Variants in MAD1L1 observed in about 807,000 individuals in gnomAD.
The protein encoded by MAD1L1 is mitotic arrest deficient 1 like 1, also known as mitotic spindle assembly checkpoint protein MAD1.
MAD1L1 carries 95 observed loss-of-function variants against 96.9 expected under a neutral mutation model. The ratio of observed to expected loss-of-function variants is 0.98; its 90% confidence interval spans 0.83 to 1.16. The LOEUF is 1.16. Ranked by LOEUF, MAD1L1 falls within the 50% of genes most tolerant of loss-of-function variation. The pLI, the probability that MAD1L1 is intolerant of heterozygous loss-of-function variation, is 0.00. For synonymous variants in MAD1L1, 473 were observed against 396.6 expected (o/e 1.19, Z -2.29); for missense variants, 1,007 against 954.4 (o/e 1.06, Z -0.73).
At chr7:2,071,476 C>T (rs1420524164) in intron 11 of MAD1L1, among the ~76,000 whole-genome samples, 2 of 152,258 alleles carry the variant, frequency 1.3e-5, no homozygotes, top group South Asian at 2.1e-4. Flanking sequence ...TACCAGAACA[C>T]AGCTCCTAAA....
chr7:1,938,901 G>GCACACA lies in MAD1L1; in HGVS notation c.1597-2005_1597-2004insTGTGTG, dbSNP rs1491147111. 6.5e-4 allele frequency among the ~76,000 whole-genome samples: 40 copies of GCACACA among 61,322 alleles called. 1 individual carries two copies. Among genetic ancestry groups the GCACACA allele is most frequent in the African/African-American group, 1.1e-3 (11 of 10,328 alleles). 40.2% of individuals were successfully genotyped at this position (61,322 alleles called of 152,430 possible). On this transcript the variant is annotated intron_variant, in intron 16 of 18. Coordinates refer to ENST00000265854, the MANE Select transcript of MAD1L1 (RefSeq NM_001013836.2). ...ACAGTCCAGGGCCGGGGCCAGAGGC[G>GCACACA]CGCACACACACACACACACACACAC...
intron 10 of MAD1L1, among the ~76,000 whole-genome samples, chr7:2,162,602 AC>A (rs200874142): frequency 0.05 from 7,543 of 150,350 alleles, 550 homozygotes; most frequent in African/African-American, 0.16. Flanking sequence ...AAAAAAAAAA[AC>A]AAACAAAAAA....
At chr7:2,144,944 T>C (rs745955173) in intron 11 of MAD1L1, among the ~76,000 whole-genome samples, 1 of 152,098 alleles carries the variant, frequency 6.6e-6, no homozygotes, top group Non-Finnish European at 1.5e-5. Context: ...CAGTGACCAA[T>C]GACGCCCCAT....
intron 11 of MAD1L1, among the ~76,000 whole-genome samples, chr7:2,125,548 AGG>A (rs1788192943): frequency 6.6e-6 from 1 of 152,190 alleles, no homozygotes; most frequent in East Asian, 1.9e-4. Context: ...CAGGTGAGCG[AGG>A]GCCTGCTGTG....
At chr7:2,129,014 G>C (rs1202921695) in intron 11 of MAD1L1, among the ~76,000 whole-genome samples, 2 of 152,234 alleles carry the variant, frequency 1.3e-5, no homozygotes, top group Admixed American at 1.3e-4. Flanking sequence ...TGCTGGCGCT[G>C]ACCAACTGGG....
At chr7:2,196,580 C>T (rs546464358) in intron 10 of MAD1L1, among the ~76,000 whole-genome samples, 1 of 152,258 alleles carries the variant, frequency 6.6e-6, no homozygotes, top group African/African-American at 2.4e-5. Flanking sequence ...CCAGAGCCAG[C>T]CCAAAGCCTG....
chr7:1,878,330 C>T (rs987048673), intron 18 of MAD1L1, among the ~76,000 whole-genome samples: 4 of 152,032 alleles, frequency 2.6e-5, no homozygotes, highest in Non-Finnish European at 5.9e-5. Flanking sequence ...TAGCATCATC[C>T]TGATACCAAG....
intron 10 of MAD1L1, among the ~76,000 whole-genome samples, chr7:2,198,158 G>A (rs137985774): frequency 6.6e-6 from 1 of 151,330 alleles, no homozygotes; most frequent in East Asian, 1.9e-4. Flanking sequence ...GTCTCACAGT[G>A]TTGCCCAGGC....
At chr7:2,024,612 A>G (rs978297052) in intron 12 of MAD1L1, among the ~76,000 whole-genome samples, 2 of 152,206 alleles carry the variant, frequency 1.3e-5, no homozygotes, top group African/African-American at 2.4e-5. Flanking sequence ...TCTGTAGGCA[A>G]GTTCCCCTAA....
intron 17 of MAD1L1, among the ~76,000 whole-genome samples, chr7:1,911,670 C>CAG (rs1303088893): frequency 6.6e-6 from 1 of 152,194 alleles, no homozygotes; most frequent in East Asian, 1.9e-4. Context: ...CAACCCTCTC[C>CAG]AGTCCGGCGT....
rs1360545304 is a variant in MAD1L1 at position 1,816,104 on chromosome 7, G to A, written c.2123C>T (p.Thr708Ile). 3 of 1,612,476 alleles carry A rather than the reference G, an allele frequency of 1.9e-6. No homozygotes were observed. The highest frequency in any genetic ancestry group is 1.7e-5 in the Admixed American group (1 of 60,008). ...GGTCTGGCGGCTGAAGAGCTCGAGG[G>A]TGAGCGAGCTGAGGAAGGCAGGGAT... ...DSIPAFLSSL[T>I]LELFSRQTVA Residue 708 changes from threonine (T) to isoleucine (I), a missense_variant, in exon 19 of 19, where the codon ACC becomes ATC. Coordinates refer to ENST00000265854, the MANE Select transcript of MAD1L1 (RefSeq NM_001013836.2).
At chr7:2,011,188 C>A (rs1242077129) in intron 13 of MAD1L1, among the ~76,000 whole-genome samples, 1 of 151,982 alleles carries the variant, frequency 6.6e-6, no homozygotes, top group East Asian at 1.9e-4. Context: ...AAACCAACAG[C>A]CAGAGACACG....
chr7:1,826,039 G>A (rs1028130599), intron 18 of MAD1L1, among the ~76,000 whole-genome samples: 7 of 152,154 alleles, frequency 4.6e-5, no homozygotes, highest in Non-Finnish European at 8.8e-5. Flanking sequence ...AAGTTCAGGC[G>A]TGATAACGTC....
chr7:2,107,016 G>A (rs774802962), intron 11 of MAD1L1, among the ~76,000 whole-genome samples: 5 of 152,338 alleles, frequency 3.3e-5, no homozygotes, highest in Admixed American at 6.5e-5. Flanking sequence ...CACAGGGCCC[G>A]GCCCCACAGC....
At chr7:2,137,393 C>T (rs985456047) in intron 11 of MAD1L1, among the ~76,000 whole-genome samples, 1 of 152,212 alleles carries the variant, frequency 6.6e-6, no homozygotes, top group Non-Finnish European at 1.5e-5. Context: ...ACTCCAGATG[C>T]CGTTTTCTGA....
At chr7:2,093,430 A>G (rs1055178283) in intron 11 of MAD1L1, among the ~76,000 whole-genome samples, 1 of 152,148 alleles carries the variant, frequency 6.6e-6, no homozygotes, top group Non-Finnish European at 1.5e-5. Flanking sequence ...GTATATAAAA[A>G]TGCCAGGAAG....
At chr7:2,055,669 C>CAAAA (rs35707803) in intron 12 of MAD1L1, among the ~76,000 whole-genome samples, 3 of 90,526 alleles carry the variant, frequency 3.3e-5, no homozygotes, top group Non-Finnish European at 6.9e-5. Context: ...GACCCTGTCT[C>CAAAA]AAAAAAAAAA....
intron 18 of MAD1L1, among the ~76,000 whole-genome samples, chr7:1,850,973 G>A (rs890427090): frequency 2.0e-5 from 3 of 152,214 alleles, no homozygotes; most frequent in African/African-American, 4.8e-5. Context: ...CTGGCGTCGC[G>A]TCCGTGGGTC....
chr7:1,918,705 G>A (rs1393498889), intron 17 of MAD1L1, among the ~76,000 whole-genome samples: 5 of 152,236 alleles, frequency 3.3e-5, no homozygotes. Context: ...GAACAGCATG[G>A]AGAGAAGGGC....
Sources: gnomAD v4.1 joint callset for allele counts (sites outside exome capture counted in the v4.1 genomes callset) on GRCh38, gnomAD v4.1.1 for gene constraint, MANE v1.5 for transcripts, NCBI Gene and HGNC (gene_info 2026-07-23, HGNC 2026-07-21) for gene names.